Variants in NCOA7 observed in about 807,000 individuals in gnomAD.
The protein encoded by NCOA7 is 140 kDa estrogen receptor-associated protein.
Under a neutral mutation model 104.3 loss-of-function variants are expected in NCOA7, and 45 were observed. That is an observed-to-expected ratio of 0.43 (90% CI 0.34 to 0.55). NCOA7 has a LOEUF of 0.55. NCOA7 is among the 20% of genes least tolerant of loss of function. The pLI, the probability that NCOA7 is intolerant of heterozygous loss-of-function variation, is 0.02. For synonymous variants in NCOA7, 398 were observed against 402.3 expected (o/e 0.99, Z 0.13); for missense variants, 1,041 against 1,119.7 (o/e 0.93, Z 1.00).
At chr6:125,805,509 G>A (rs1776364352) in intron 1 of NCOA7, among the ~76,000 whole-genome samples, 1 of 152,104 alleles carries the variant, frequency 6.6e-6, no homozygotes, top group Admixed American at 6.5e-5. Context: ...TCCTTCTTTG[G>A]GGTCAGACAG....
At position 125,915,480 on chromosome 6, in the gene NCOA7, G is replaced by C; in HGVS notation, c.2244G>C (p.Glu748Asp). Residue 748 changes from glutamate to aspartate, a missense_variant and splice_region_variant, in exon 11 of 16, where the codon GAG becomes GAC. This residue lies in a region of NCOA7 where 914 missense variants were observed against 942.7 expected (regional missense o/e 0.97). Transcript: ENST00000392477. ...GTGAGCCAACAACCAAGAGCTGGGA[G>C]GTGAGCACTTGGGCAGGGTTAGACC... The part of the protein sequence containing the change: ...FFSEPTTKSW[E>D]IITVEEAKRR... The C allele has an allele frequency of 6.2e-7, 1 of 1,613,746 alleles. No homozygotes were observed. Among genetic ancestry groups the C allele is most frequent in the Non-Finnish European group, 8.5e-7 (1 of 1,179,702 alleles).
chr6:125,870,890 C>G (rs545351096), intron 3 of NCOA7, among the ~76,000 whole-genome samples: 3 of 152,166 alleles, frequency 2.0e-5, no homozygotes, highest in Non-Finnish European at 2.9e-5. Context: ...TTCTTCCTCC[C>G]CATTCCAGCT....
At chr6:125,795,330 T>C (rs750001126) in intron 1 of NCOA7, among the ~76,000 whole-genome samples, 6 of 152,172 alleles carry the variant, frequency 3.9e-5, no homozygotes, top group African/African-American at 7.2e-5. Flanking sequence ...CCTTCATGTC[T>C]TTTTTTAAAT....
At chr6:125,902,845 C>A (rs1785631013) in intron 10 of NCOA7, among the ~76,000 whole-genome samples, 1 of 152,182 alleles carries the variant, frequency 6.6e-6, no homozygotes, top group Non-Finnish European at 1.5e-5. Context: ...GTGACTTAAT[C>A]TATGTAAGCA....
At chr6:125,892,374 ACTT>A (rs1228574360) in intron 10 of NCOA7, among the ~76,000 whole-genome samples, 1 of 152,044 alleles carries the variant, frequency 6.6e-6, no homozygotes, top group Non-Finnish European at 1.5e-5. Context: ...CTTCTCTTTC[ACTT>A]CTTATACCAC....
chr6:125,849,421 C>A (rs1270128750), intron 2 of NCOA7, among the ~76,000 whole-genome samples: 1 of 152,200 alleles, frequency 6.6e-6, no homozygotes, highest in Non-Finnish European at 1.5e-5. Context: ...CACATTGCCT[C>A]ATTCTTCTGC....
At chr6:125,885,452 A>T (rs1784180301) in intron 8 of NCOA7, 109 bp downstream of exon 8, 7 of 1,018,580 alleles carry the variant, frequency 6.9e-6, no homozygotes, top group Non-Finnish European at 1.0e-5. Context: ...GGTGATTTTG[A>T]AGATGGAAGA....
At chr6:125,833,593 AG>A (rs1392213149) in intron 2 of NCOA7, among the ~76,000 whole-genome samples, 29 of 1,580 alleles carry the variant, frequency 0.018, no homozygotes, top group African/African-American at 0.034. Flanking sequence ...AAGGAAAGGG[AG>A]GGGGGGAGGG....
rs1784463299 is a variant in NCOA7, at chr6:125,889,347, C to T, written c.1293C>T (p.His431=). 6.2e-7 allele frequency: 1 copy of T among 1,613,654 alleles called. No homozygotes were observed. Among genetic ancestry groups the T allele is most frequent in the Non-Finnish European group, 8.5e-7 (1 of 1,179,900 alleles). The part of the protein sequence containing the change: ...ELSSQTGGGM[H]KKDTLKECLS... ...CTTCTCAAACTGGTGGTGGAATGCA[C>T]AAAAAAGACACCTTGAAGGAGTGCC... The change falls in exon 9 of 16, where the codon CAC becomes CAT. Residue 431 remains histidine (H), a synonymous_variant. Coordinates refer to ENST00000392477, the MANE Select transcript of NCOA7 (RefSeq NM_181782.5).
chr6:125,929,678 C>T lies in NCOA7; in HGVS notation c.*907C>T, dbSNP rs1245240856. ...GTGAAAAAGAATACATCATTTCTCA[C>T]AGTCTTAAGTTGATATTTATAGAAA... On this transcript the variant is annotated 3_prime_UTR_variant, in exon 16 of 16. Transcript: ENST00000392477. The T allele has an allele frequency of 6.6e-6, 1 of 152,132 alleles. No homozygotes were observed. Among genetic ancestry groups the T allele is most frequent in the Non-Finnish European group, 1.5e-5 (1 of 68,022 alleles). The allele number at this position is 152,132 out of a possible 1,614,324, so 9.4% of individuals were successfully genotyped here.
intron 2 of NCOA7, among the ~76,000 whole-genome samples, chr6:125,844,602 T>C (rs1488236397): frequency 6.6e-6 from 1 of 152,186 alleles, no homozygotes; most frequent in Non-Finnish European, 1.5e-5. Flanking sequence ...TCAGTGGAAA[T>C]GGAAAACTAT....
chr6:125,904,697 C>T (rs542947627), intron 10 of NCOA7, among the ~76,000 whole-genome samples: 1 of 152,272 alleles, frequency 6.6e-6, no homozygotes, highest in African/African-American at 2.4e-5. Flanking sequence ...GAGCACAGAG[C>T]CAGAATGGAC....
upstream of NCOA7, among the ~76,000 whole-genome samples, chr6:125,787,417 C>A (rs1235042538): frequency 1.3e-5 from 2 of 152,196 alleles, no homozygotes; most frequent in African/African-American, 4.8e-5. Context: ...TAGAAAATCA[C>A]TTGGGAGAAA....
At chr6:125,880,086 G>A (rs2128645654) in intron 5 of NCOA7, among the ~76,000 whole-genome samples, 1 of 152,322 alleles carries the variant, frequency 6.6e-6, no homozygotes, top group Middle Eastern at 3.4e-3. Flanking sequence ...CAGGATTGTA[G>A]TAATGTTTTG....
intron 2 of NCOA7, among the ~76,000 whole-genome samples, chr6:125,850,185 G>A (rs1331448754): frequency 6.6e-6 from 1 of 152,158 alleles, no homozygotes; most frequent in Non-Finnish European, 1.5e-5. Flanking sequence ...GTTAGAAATT[G>A]ATCTCTATAC....
chr6:125,876,415 C>A (rs1489916309), intron 4 of NCOA7, among the ~76,000 whole-genome samples: 1 of 152,070 alleles, frequency 6.6e-6, no homozygotes, highest in Non-Finnish European at 1.5e-5. Context: ...TGCCTTACCT[C>A]AAAATAGGCA....
chr6:125,861,927 C>T (rs57126993), intron 3 of NCOA7, among the ~76,000 whole-genome samples: 14,405 of 115,796 alleles, frequency 0.12, 1,178 homozygotes, highest in African/African-American at 0.22. Flanking sequence ...ATTCCAGCTA[C>T]TCAGGAGGCT....
At chr6:125,867,643 T>C (rs1345959065) in intron 3 of NCOA7, among the ~76,000 whole-genome samples, 2 of 152,236 alleles carry the variant, frequency 1.3e-5, no homozygotes, top group Admixed American at 1.3e-4. Context: ...TTATCTCCAC[T>C]ACAAGGCTTT....
chr6:125,783,755 C>G (rs547078082), intron 1 of NCOA7, among the ~76,000 whole-genome samples: 1 of 152,314 alleles, frequency 6.6e-6, no homozygotes, highest in Non-Finnish European at 1.5e-5. Flanking sequence ...TTAACATCTT[C>G]ATGCATATAT....
Sources: allele counts gnomAD v4.1 joint callset (sites outside exome capture counted in the v4.1 genomes callset), GRCh38; gene constraint gnomAD v4.1.1; regional missense constraint gnomAD v4.1.1; transcripts MANE v1.5; gene names NCBI Gene and HGNC (gene_info 2026-07-23, HGNC 2026-07-21).